STARD13: variants seen among roughly 807,000 people sequenced by gnomAD.
The protein encoded by STARD13 is stAR-related lipid transfer protein 13.
A neutral mutation model predicts 106.4 loss-of-function variants in STARD13; 62 were observed. That is an observed-to-expected ratio of 0.58 (90% CI 0.48 to 0.72). STARD13 has a LOEUF of 0.72. Ranked by LOEUF, STARD13 falls within the 30% of genes least tolerant of loss-of-function variation. The pLI is 0.00. For synonymous variants in STARD13, 565 were observed against 553.0 expected, an observed-to-expected ratio of 1.02 and a Z score of -0.31; for missense variants, 1,387 against 1,424.0, an observed-to-expected ratio of 0.97 and a Z score of 0.42.
chr13:33,445,107 A>G, the STARD13 span, among the ~76,000 whole-genome samples: 1 of 152,302 alleles, frequency 6.6e-6, no homozygotes, highest in African/African-American at 2.4e-5. Flanking sequence ...GTAATGATCA[A>G]TCAAGTCAAT....
chr13:33,274,010 G>A (rs566532314), intron 1 of STARD13: 1 of 151,692 alleles, frequency 6.6e-6, no homozygotes, highest in Non-Finnish European at 1.5e-5. Context: ...AGGGAGGGCT[G>A]TTGAGTATTG....
the STARD13 span, among the ~76,000 whole-genome samples, chr13:33,505,621 T>C: frequency 6.6e-6 from 1 of 152,192 alleles, no homozygotes; most frequent in Non-Finnish European, 1.5e-5. Flanking sequence ...CAATGTCTTC[T>C]GATTTAACTA....
At chr13:33,117,876 A>T in intron 8 of STARD13, 189 bp downstream of exon 8, 1 of 984,880 alleles carries the variant, frequency 1.0e-6, no homozygotes, top group Non-Finnish European at 1.2e-6. Flanking sequence ...TCAAATGCAT[A>T]AAAAAATGGC....
At chr13:33,211,829 G>GTGTGTGTGTGTGTGTGTA (rs1555248560) in intron 1 of STARD13, among the ~76,000 whole-genome samples, 2 of 64,864 alleles carry the variant, frequency 3.1e-5, no homozygotes, top group African/African-American at 1.6e-4. Flanking sequence ...GTGTGTGTAT[G>GTGTGTGTGTGTGTGTGTA]TGTGTGTGTG....
chr13:33,146,021 C>T (rs1012169723), intron 3 of STARD13, among the ~76,000 whole-genome samples: 1 of 151,346 alleles, frequency 6.6e-6, no homozygotes, highest in African/African-American at 2.4e-5. Context: ...CCTGTCGCTA[C>T]AAAAAAAATA....
the STARD13 span, among the ~76,000 whole-genome samples, chr13:33,449,993 G>C: frequency 6.6e-6 from 1 of 151,986 alleles, no homozygotes; most frequent in South Asian, 2.1e-4. Context: ...TGTGAAGTAC[G>C]GGGTTTTCTA....
chr13:33,222,853 C>G (rs894544047), intron 1 of STARD13, among the ~76,000 whole-genome samples: 1 of 152,194 alleles, frequency 6.6e-6, no homozygotes, highest in African/African-American at 2.4e-5. Flanking sequence ...ACAGAGAGAA[C>G]AGAAGAAACA....
intron 7 of STARD13, among the ~76,000 whole-genome samples, chr13:33,121,669 C>CTTTCT (rs1876333228): frequency 9.1e-6 from 1 of 110,480 alleles, no homozygotes. Flanking sequence ...GTTGTTCATC[C>CTTTCT]TTTTTTTTTT....
chr13:33,671,644 C>T, the STARD13 span, among the ~76,000 whole-genome samples: 1 of 152,076 alleles, frequency 6.6e-6, no homozygotes, highest in South Asian at 2.1e-4. Context: ...GCAAGATGAT[C>T]CCTTGAATCT....
At chr13:33,544,770 C>CTTT in the STARD13 span, among the ~76,000 whole-genome samples, 146 of 108,712 alleles carry the variant, frequency 1.3e-3, no homozygotes, top group Non-Finnish European at 1.8e-3. Flanking sequence ...TGTTTTTTCT[C>CTTT]TTTTTTTTTT....
At chr13:33,551,893 T>C in the STARD13 span, among the ~76,000 whole-genome samples, 5 of 152,000 alleles carry the variant, frequency 3.3e-5, no homozygotes, top group Non-Finnish European at 7.4e-5. Flanking sequence ...CCACCACAGG[T>C]TGCCATGAGA....
At chr13:33,273,409 TAA>T (rs919342956) in intron 1 of STARD13, among the ~76,000 whole-genome samples, 2 of 152,262 alleles carry the variant, frequency 1.3e-5, no homozygotes, top group African/African-American at 4.8e-5. Flanking sequence ...TTATGATGTA[TAA>T]GACTGTACTA....
At chr13:33,407,900 T>C in the STARD13 span, among the ~76,000 whole-genome samples, 1 of 152,116 alleles carries the variant, frequency 6.6e-6, no homozygotes, top group African/African-American at 2.4e-5. Context: ...TCTCACAGAG[T>C]CTGGATTTGG....
At chr13:33,343,449 C>T (rs2077982598) in intron 1 of STARD13, among the ~76,000 whole-genome samples, 1 of 150,740 alleles carries the variant, frequency 6.6e-6, no homozygotes, top group Non-Finnish European at 1.5e-5. Context: ...AGTGGTGACG[C>T]AAGCCTGTAG....
chr13:33,656,099 G>A, the STARD13 span, among the ~76,000 whole-genome samples: 1 of 152,072 alleles, frequency 6.6e-6, no homozygotes, highest in African/African-American at 2.4e-5. Flanking sequence ...TTTCTCCACA[G>A]CAATTATCAC....
rs571864484 is a variant in STARD13, at chr13:33,204,067, T to G, written c.170-36445A>C. ...GGTAGTATCTGAAATCCAAGGCTTC[T>G]GACTGTTACCTCGGTCCTTGAAATC... On this transcript the variant is annotated intron_variant, in intron 1 of 13. Transcript: ENST00000336934. 2.2e-4 allele frequency among the ~76,000 whole-genome samples: 34 copies of G among 152,366 alleles called. No homozygotes were observed. In the East Asian group the frequency reaches 6.5e-3, roughly 29 times the overall value.
exon 1 of STARD13, chr13:33,350,324 C>A (rs1190053350): frequency 2.0e-6 from 3 of 1,534,298 alleles, no homozygotes; most frequent in Non-Finnish European, 2.6e-6. Context: ...TCTTCCACAG[C>A]AGATCCCAGG....
intron 1 of STARD13, among the ~76,000 whole-genome samples, chr13:33,222,934 C>T (rs184930915): frequency 6.6e-6 from 1 of 152,292 alleles, no homozygotes; most frequent in East Asian, 1.9e-4. Context: ...GGATTAATTT[C>T]TTGTTGGACC....
chr13:33,536,901 A>G, the STARD13 span, among the ~76,000 whole-genome samples: 1 of 152,176 alleles, frequency 6.6e-6, no homozygotes, highest in African/African-American at 2.4e-5. Flanking sequence ...GCCTCATTAT[A>G]TTGTTCTATC....
Sources: allele counts gnomAD v4.1 joint callset (sites outside exome capture counted in the v4.1 genomes callset), GRCh38; gene constraint gnomAD v4.1.1; transcripts MANE v1.5; gene names NCBI Gene and HGNC (gene_info 2026-07-23, HGNC 2026-07-21).